VPS25: variants seen among roughly 807,000 people sequenced by gnomAD.
VPS25 encodes the protein vacuolar protein sorting 25 homolog.
VPS25 carries 21 observed loss-of-function variants against 30.3 expected under a neutral mutation model. The ratio of observed to expected loss-of-function variants is 0.69; its 90% confidence interval spans 0.49 to 1.00. VPS25 has a LOEUF of 1.00. VPS25 is among the 50% of genes least tolerant of loss of function. The pLI is 0.00. For synonymous variants in VPS25, 101 were observed against 88.1 expected (o/e 1.15, Z -0.82); for missense variants, 156 against 217.2 (o/e 0.72, Z 1.77).
intron 5 of VPS25, among the ~76,000 whole-genome samples, chr17:42,777,208 G>T (rs2054440972): frequency 6.6e-6 from 1 of 151,906 alleles, no homozygotes; most frequent in Admixed American, 6.6e-5. Flanking sequence ...AACAGAGCGA[G>T]ATGCTATCTT....
At chr17:42,776,713 TGCAGTGGC>T (rs1351690149) in intron 5 of VPS25, among the ~76,000 whole-genome samples, 1 of 145,996 alleles carries the variant, frequency 6.8e-6, no homozygotes, top group Non-Finnish European at 1.5e-5. Flanking sequence ...CAGGCTGGAG[TGCAGTGGC>T]GCAGTCTCTG....
chr17:42,775,338 C>A, intron 3 of VPS25, 43 bp from the exon 4 acceptor site: 1 of 1,546,862 alleles, frequency 6.5e-7, no homozygotes, highest in Non-Finnish European at 8.9e-7. Context: ...AAGTGTAAGC[C>A]ACTGCGCGCC....
At chr17:42,778,841 A>G in intron 5 of VPS25, 116 bp from the exon 6 acceptor site, 1 of 800,364 alleles carries the variant, frequency 1.2e-6, no homozygotes, top group Non-Finnish European at 2.0e-6. Context: ...CTGTAGCAGT[A>G]TAGATGGCTT....
Position 42,774,679 on chromosome 17 carries a change from T to C in VPS25, c.233T>C (p.Leu78Ser), listed in dbSNP as rs201740659. ...CCTGTGGAGTCGATCCAGATTGTATTAGAGGAACTGAGGAAGAAAGGTGGG... is the reference window on the plus strand; with the variant it reads ...CCTGTGGAGTCGATCCAGATTGTATCAGAGGAACTGAGGAAGAAAGGTGGG... ...KLPVESIQIV[L>S]EELRKKGNLE... The change falls in exon 3 of 6, where the codon TTA becomes TCA. Residue 78 changes from leucine (L) to serine (S), a missense_variant. Physicochemically the swap from Leu to Ser is moderately radical, Grantham distance 145. Coordinates refer to ENST00000253794, the MANE Select transcript of VPS25 (RefSeq NM_032353.4). The C allele has an allele frequency of 8.7e-6, 14 of 1,613,248 alleles. No individual in the cohort carries two copies. Among genetic ancestry groups the C allele is most frequent in the Non-Finnish European group, 1.2e-5 (14 of 1,179,340 alleles).
At chr17:42,774,139 T>A in intron 2 of VPS25, 2 of 404,160 alleles carry the variant, frequency 4.9e-6, no homozygotes, top group Non-Finnish European at 8.8e-6. Context: ...TTCCAAGTTT[T>A]TTAACCTAAA....
At chr17:42,775,021 CTTTG>C in intron 3 of VPS25, 1 of 365,958 alleles carries the variant, frequency 2.7e-6, no homozygotes, top group Non-Finnish European at 4.9e-6. Context: ...TTTTTTGCCT[CTTTG>C]TTTCTTTTTA....
intron 5 of VPS25, 130 bp downstream of exon 5, chr17:42,776,450 C>A: frequency 1.3e-6 from 1 of 767,834 alleles, no homozygotes; most frequent in Non-Finnish European, 2.1e-6. Context: ...GCAACCTCCG[C>A]CTCCTAGGTT....
Position 42,779,432 on chromosome 17 carries a change from A to C in VPS25, c.*363A>C. ...TGTCTCCTCCTCCTCCCACCCCTTTAGCTGCTGTTGCCTCCCTTCTCAGGC... is the reference window on the plus strand; with the variant it reads ...TGTCTCCTCCTCCTCCCACCCCTTTCGCTGCTGTTGCCTCCCTTCTCAGGC... On this transcript the variant is annotated 3_prime_UTR_variant, in exon 6 of 6. Transcript: ENST00000253794. The C allele has an allele frequency of 4.7e-6, 1 of 210,870 alleles. No individual in the cohort carries two copies. Among genetic ancestry groups the C allele is most frequent in the South Asian group, 8.1e-5 (1 of 12,418 alleles). The allele number at this position is 210,870 out of a possible 1,614,324, so 13.1% of individuals were successfully genotyped here. A position where few individuals can be genotyped will look rare whatever the true frequency, so the allele number is the denominator to read the frequency against.
chr17:42,774,369 TTTC>T (rs2054425259), intron 2 of VPS25: 4 of 359,352 alleles, frequency 1.1e-5, no homozygotes, highest in East Asian at 4.1e-5. Flanking sequence ...AGCTTCTTTC[TTTC>T]TTTTTTTTTT....
intron 1 of VPS25, 91 bp from the exon 2 acceptor site, chr17:42,773,642 C>T (rs2054421351): frequency 1.1e-5 from 18 of 1,605,972 alleles, no homozygotes; most frequent in East Asian, 2.2e-5. Context: ...CGGCCAACAC[C>T]CTCAGTCCCT....
At chr17:42,773,665 G>A (rs2054421475) in intron 1 of VPS25, 68 bp from the exon 2 acceptor site, 1 of 1,604,704 alleles carries the variant, frequency 6.2e-7, no homozygotes, top group Non-Finnish European at 8.5e-7. Context: ...CTTTCTTCCT[G>A]AAATGCGTCC....
At chr17:42,777,435 A>T (rs2054442434) in intron 5 of VPS25, among the ~76,000 whole-genome samples, 2 of 152,210 alleles carry the variant, frequency 1.3e-5, no homozygotes, top group South Asian at 4.1e-4. Context: ...GGATCGCTTG[A>T]ACCCGAAGGC....
chr17:42,777,372 G>A (rs1024551250), intron 5 of VPS25, among the ~76,000 whole-genome samples: 4 of 152,078 alleles, frequency 2.6e-5, no homozygotes, highest in African/African-American at 4.8e-5. Context: ...AAAATTAGCC[G>A]GGCATGGTGG....
At chr17:42,774,075 GTGA>G in intron 2 of VPS25, 197 bp downstream of exon 2, 1 of 609,630 alleles carries the variant, frequency 1.6e-6, no homozygotes, top group Non-Finnish European at 2.7e-6. Context: ...GTTCTTGGCA[GTGA>G]TGACTGCTCG....
intron 2 of VPS25, chr17:42,774,088 G>C (rs1454781266): frequency 1.1e-5 from 6 of 551,342 alleles, no homozygotes; most frequent in Non-Finnish European, 1.8e-5. Context: ...ATGACTGCTC[G>C]GATGTCATTA....
Position 42,779,164 on chromosome 17 carries a change from T to C in VPS25, c.*95T>C. 8.6e-7 allele frequency: 1 copy of C among 1,167,836 alleles called. No homozygotes were observed. The highest frequency in any genetic ancestry group is 1.3e-5 in the South Asian group (1 of 74,440). 72.3% of individuals were successfully genotyped at this position (1,167,836 alleles called of 1,614,324 possible). On this transcript the variant is annotated 3_prime_UTR_variant, in exon 6 of 6. Transcript: ENST00000253794. ...GTCCCCCAAAGACTGGATCTGTGAC[T>C]CCACCAGACTCAAAAGGACTCCAGT... is the stretch of plus-strand genomic sequence containing the variant.
At chr17:42,778,623 C>A (rs1280418912) in intron 5 of VPS25, among the ~76,000 whole-genome samples, 1 of 152,240 alleles carries the variant, frequency 6.6e-6, no homozygotes, top group African/African-American at 2.4e-5. Context: ...TGGCTCCGAT[C>A]TCCCTAGGCC....
At chr17:42,775,304 C>A in intron 3 of VPS25, 77 bp from the exon 4 acceptor site, 2 of 1,116,052 alleles carry the variant, frequency 1.8e-6, no homozygotes, top group Non-Finnish European at 2.7e-6. Flanking sequence ...TGGGCTCAAG[C>A]AGTCCTCCCG....
intron 5 of VPS25, among the ~76,000 whole-genome samples, chr17:42,777,688 G>A (rs563805741): frequency 1.2e-4 from 18 of 152,304 alleles, no homozygotes; most frequent in South Asian, 1.0e-3. Context: ...ATCTGTGGGT[G>A]TCAGCTGAAG....
Sources: allele counts gnomAD v4.1 joint callset (sites outside exome capture counted in the v4.1 genomes callset), GRCh38; gene constraint gnomAD v4.1.1; transcripts MANE v1.5; gene names NCBI Gene and HGNC (gene_info 2026-07-23, HGNC 2026-07-21).